The following SLC8B1 variants were observed in gnomAD, a reference collection of about 807,000 sequenced individuals.
SLC8B1 encodes the protein solute carrier family 8 member B1.
Under a neutral mutation model 63.4 loss-of-function variants are expected in SLC8B1, and 52 were observed. That is an observed-to-expected ratio of 0.82 (90% CI 0.66 to 1.03). The LOEUF (loss-of-function observed/expected upper bound fraction) is 1.03, where lower values mean the gene tolerates loss of function less well. SLC8B1 is among the 50% of genes least tolerant of loss of function. The pLI is 0.00. For missense variants in SLC8B1, 657 were observed against 741.7 expected, an observed-to-expected ratio of 0.89 and a Z score of 1.33; for synonymous variants, 336 against 323.9, an observed-to-expected ratio of 1.04 and a Z score of -0.40.
intron 11 of SLC8B1, among the ~76,000 whole-genome samples, chr12:113,310,956 C>T (rs898231104): frequency 2.0e-5 from 3 of 152,222 alleles, no homozygotes; most frequent in Non-Finnish European, 4.4e-5. Flanking sequence ...ATACCTGCAT[C>T]AAGACCCTTC....
At chr12:113,304,664 G>A (rs1270065476) in intron 14 of SLC8B1, among the ~76,000 whole-genome samples, 1 of 152,172 alleles carries the variant, frequency 6.6e-6, no homozygotes, top group Non-Finnish European at 1.5e-5. Context: ...GTGCAGTGGT[G>A]TGAACACGGC....
intron 15 of SLC8B1, among the ~76,000 whole-genome samples, chr12:113,300,735 C>T (rs902151189): frequency 4.6e-5 from 7 of 152,190 alleles, no homozygotes; most frequent in African/African-American, 7.2e-5. Context: ...TCCCCTGCCT[C>T]GAGTCAGATG....
At position 113,309,520 on chromosome 12, in the gene SLC8B1, G is replaced by A. The variant is rs928785832; in HGVS notation, c.1257+714C>T. ...TGGAATCCTGGCACTTTGGGAAGCCGAGGCAGGAGGATTGCTTGAGGCCAG... is the reference window on the plus strand; with the variant it reads ...TGGAATCCTGGCACTTTGGGAAGCCAAGGCAGGAGGATTGCTTGAGGCCAG... On this transcript the variant is annotated intron_variant, in intron 12 of 15. Coordinates refer to ENST00000680972, the MANE Select transcript of SLC8B1 (RefSeq NM_001358345.2). Among the ~76,000 whole-genome samples the A allele has an allele frequency of 2.6e-5, 4 of 152,200 alleles. No individual in the cohort carries two copies. In the East Asian group the frequency reaches 5.8e-4, roughly 22 times the overall value.
intron 15 of SLC8B1, among the ~76,000 whole-genome samples, chr12:113,303,114 G>GAC (rs57763094): frequency 0.08 from 11,251 of 140,850 alleles, 440 homozygotes; most frequent in Middle Eastern, 0.15. Flanking sequence ...AAAGGCGGTG[G>GAC]ACACACACAC....
At chr12:113,319,235 C>T (rs745658860) in intron 7 of SLC8B1, 164 bp from the exon 8 acceptor site, 5 of 602,182 alleles carry the variant, frequency 8.3e-6, no homozygotes, top group Non-Finnish European at 1.5e-5. Context: ...CCACTCCTTC[C>T]TCCTGCCTTC....
intron 10 of SLC8B1, among the ~76,000 whole-genome samples, chr12:113,316,085 G>A (rs558595254): frequency 7.2e-5 from 11 of 152,070 alleles, no homozygotes; most frequent in Non-Finnish European, 1.2e-4. Flanking sequence ...TTAGCCAGGC[G>A]TGGTGGCGGG....
In SLC8B1 at chr12:113,300,078, A is replaced by ACAACAATGCAGCCTCAG. The variant is rs1566219999; in HGVS notation, c.1558-121_1558-105dup. Reference sequence around the variant, plus strand: ...CAGCCTCAACAACAATGCAGCCTCAACAACAATGCAGCCTCAGCAACAATG... The same window carrying ACAACAATGCAGCCTCAG: ...CAGCCTCAACAACAATGCAGCCTCAACAACAATGCAGCCTCAGCAACAATGCAGCCTCAGCAACAATG... On this transcript the variant is annotated intron_variant, in intron 15 of 15. Coordinates refer to ENST00000680972, the MANE Select transcript of SLC8B1 (RefSeq NM_001358345.2). The ACAACAATGCAGCCTCAG allele has an allele frequency of 5.7e-5, 49 of 863,558 alleles. 1 individual carries two copies. The highest frequency in any genetic ancestry group is 2.7e-4 in the African/African-American group (15 of 55,808). 53.5% of individuals were successfully genotyped at this position (863,558 alleles called of 1,614,324 possible).
intron 8 of SLC8B1, among the ~76,000 whole-genome samples, chr12:113,317,770 ATTTG>A (rs1310981402): frequency 9.4e-6 from 1 of 106,162 alleles, no homozygotes; most frequent in Non-Finnish European, 2.0e-5. Context: ...GTGTGCATGT[ATTTG>A]TATGTGTGTT....
In SLC8B1 at chr12:113,316,943, G is replaced by A. The variant is rs139451309; in HGVS notation, c.861C>T (p.Tyr287=). 1.8e-5 allele frequency: 29 copies of A among 1,613,194 alleles called. No individual in the cohort carries two copies. In the Middle Eastern group the frequency reaches 4.9e-4, roughly 27 times the overall value. ...GCTGGGCACAGGGCACGGACTCACCGTAGTCATAGCTGTTGGTATTAGAAG... is the reference window on the plus strand; with the variant it reads ...GCTGGGCACAGGGCACGGACTCACCATAGTCATAGCTGTTGGTATTAGAAG... ...RVSSNTNSYD[Y]GDEYRPLFFY... Residue 287 remains tyrosine, a splice_region_variant and synonymous_variant, in exon 9 of 16, where the codon TAC becomes TAT. Transcript: ENST00000680972.
rs533163855 is a variant in SLC8B1 at position 113,326,265 on chromosome 12, G to A, written c.157-4917C>T. On this transcript the variant is annotated intron_variant, in intron 2 of 15. Transcript: ENST00000680972. ...TACAATCTGTGGCTACTCAGGCACT[G>A]TGAGAGCAGTGAGTAGTTGTAGAAA... Among the ~76,000 whole-genome samples the A allele has an allele frequency of 7.6e-4, 116 of 152,370 alleles. 1 individual carries two copies. The highest frequency in any genetic ancestry group is 3.4e-3 in the Middle Eastern group (1 of 294).
In SLC8B1 at chr12:113,317,005, C is replaced by T; in HGVS notation, c.803-4G>A. On this transcript the variant is annotated splice_polypyrimidine_tract_variant and splice_region_variant and intron_variant, in intron 8 of 15. Transcript: ENST00000680972. ...TCCTCGGAGTCTGAGAGGATCTCTG[C>T]AGGAGAGAGGCCCAGTTACATACAG... The T allele has an allele frequency of 6.2e-7, 1 of 1,611,824 alleles. No individual in the cohort carries two copies. Among genetic ancestry groups the T allele is most frequent in the Admixed American group, 1.7e-5 (1 of 59,674 alleles).
chr12:113,319,292 C>T (rs887127357), intron 7 of SLC8B1: 4 of 501,750 alleles, frequency 8.0e-6, no homozygotes, highest in Middle Eastern at 5.3e-4. Flanking sequence ...GGAGGTAATA[C>T]CCAAGCACAG....
intron 12 of SLC8B1, chr12:113,308,053 A>C: frequency 8.8e-6 from 5 of 565,334 alleles, no homozygotes; most frequent in South Asian, 3.0e-5. Flanking sequence ...TCCTTAATAA[A>C]CTCCCTTTCA....
At chr12:113,313,493 A>G (rs536449498) in intron 11 of SLC8B1, among the ~76,000 whole-genome samples, 1 of 152,086 alleles carries the variant, frequency 6.6e-6, no homozygotes, top group Non-Finnish European at 1.5e-5. Context: ...TAATCTCAGC[A>G]CTCTGGGGGA....
At chr12:113,319,270 C>T (rs1025886865) in intron 7 of SLC8B1, 199 bp from the exon 8 acceptor site, 8 of 543,734 alleles carry the variant, frequency 1.5e-5, no homozygotes, top group Admixed American at 6.0e-5. Context: ...TTCCTGTCTC[C>T]CTTGCAATCA....
intron 2 of SLC8B1, among the ~76,000 whole-genome samples, chr12:113,327,606 CG>C (rs1404991755): frequency 6.6e-6 from 1 of 150,726 alleles, no homozygotes; most frequent in African/African-American, 2.4e-5. Context: ...AACTTGAACC[CG>C]GGAGGCGGAG....
chr12:113,316,640 C>T lies in SLC8B1; in HGVS notation c.879G>A (p.Pro293=), dbSNP rs771648224. 24 of 1,613,594 alleles carry T rather than the reference C, an allele frequency of 1.5e-5. No homozygotes were observed. The highest frequency in any genetic ancestry group is 8.0e-5 in the African/African-American group (6 of 74,922). ...CCGTGGTCTCCTGGTAGAAGAACAGCGGCCGGTACTCATCACCTGTGTGCA... is the reference window on the plus strand; with the variant it reads ...CCGTGGTCTCCTGGTAGAAGAACAGTGGCCGGTACTCATCACCTGTGTGCA... ...NSYDYGDEYR[P]LFFYQETTAQ... The change falls in exon 10 of 16, where the codon CCG becomes CCA. Residue 293 remains proline, a synonymous_variant. Coordinates refer to ENST00000680972, the MANE Select transcript of SLC8B1 (RefSeq NM_001358345.2).
At chr12:113,324,379 C>T (rs1435867872) in intron 2 of SLC8B1, among the ~76,000 whole-genome samples, 11 of 150,180 alleles carry the variant, frequency 7.3e-5, no homozygotes, top group African/African-American at 2.7e-4. Context: ...GAGCATAATA[C>T]CCACTCAGCC....
Position 113,331,232 on chromosome 12 carries a change from C to CA in SLC8B1, c.156+1490dup, listed in dbSNP as rs200050084. Among the ~76,000 whole-genome samples the CA allele has an allele frequency of 5.6e-3, 854 of 151,668 alleles. 6 individuals are homozygous for CA. The highest frequency in any genetic ancestry group is 0.019 in the African/African-American group (783 of 41,370). ...TGAAACCCTGTTTCTACTAAAAATA[C>CA]AAAAAAATTAGCCAGGTGTGGTGGT... On this transcript the variant is annotated intron_variant, in intron 2 of 15. Coordinates refer to ENST00000680972, the MANE Select transcript of SLC8B1 (RefSeq NM_001358345.2).
Sources: gnomAD v4.1 joint callset for allele counts (sites outside exome capture counted in the v4.1 genomes callset) on GRCh38, gnomAD v4.1.1 for gene constraint, MANE v1.5 for transcripts, NCBI Gene and HGNC (gene_info 2026-07-23, HGNC 2026-07-21) for gene names.